CUX2: variants seen among roughly 807,000 people sequenced by gnomAD.
CUX2 encodes cut like homeobox 2, also known as homeobox protein cut-like 2.
In CUX2, 40 loss-of-function variants were observed where a neutral mutation model predicts 144.8. The ratio of observed to expected loss-of-function variants is 0.28; its 90% CI spans 0.21 to 0.36. The LOEUF is 0.36. Ranked by LOEUF, CUX2 falls within the 10% of genes least tolerant of loss-of-function variation. CUX2 has a pLI of 1.00. For missense variants in CUX2, 1,615 were observed against 1,994.0 expected, an observed-to-expected ratio of 0.81 and a Z score of 3.62; for synonymous variants, 827 against 875.6, an observed-to-expected ratio of 0.94 and a Z score of 0.98.
At position 111,034,771 on chromosome 12, in the gene CUX2, G is replaced by A. The variant is rs1467692274; in HGVS notation, c.63+531G>A. ...AGAGGAGGAGGGAGCCGGGGTTGGC[G>A]AGGAGGCGGCTCCGCGCCCCGCCGC... is the stretch of plus-strand genomic sequence containing the variant. On this transcript the variant is annotated intron_variant, in intron 1 of 21. Coordinates refer to ENST00000261726, the MANE Select transcript of CUX2 (RefSeq NM_015267.4). This position sits in a 1 kb window ranked among gnomAD's most constrained non-coding sequence, Gnocchi z 4.2. Among the ~76,000 whole-genome samples, 3 of 149,788 alleles carry A rather than the reference G, an allele frequency of 2.0e-5. No individual in the cohort carries two copies. The highest frequency in any genetic ancestry group is 4.5e-5 in the Non-Finnish European group (3 of 66,686).
chr12:111,334,476 C>A lies in CUX2; in HGVS notation c.2962C>A (p.Pro988Thr). Residue 988 changes from proline to threonine, a missense_variant, in exon 19 of 22, where the codon CCC (proline) becomes ACC (threonine). Pro to Thr is a conservative substitution (Grantham distance 38, BLOSUM62 -1). Transcript: ENST00000261726. ...AGAACCAAGGTCCTCACCATCCCCA[C>A]CCCCCAGCCCCACAGAGCCTGAGAA... ...PTEPRSSPSP[P>T]PSPTEPEKSS... 1 of 1,603,796 alleles carries A rather than the reference C, an allele frequency of 6.2e-7. No homozygotes were observed. The highest frequency in any genetic ancestry group is 8.5e-7 in the Non-Finnish European group (1 of 1,174,860).
At chr12:111,087,028 A>C (rs1251698145) in intron 1 of CUX2, among the ~76,000 whole-genome samples, 1 of 152,176 alleles carries the variant, frequency 6.6e-6, no homozygotes, top group Non-Finnish European at 1.5e-5. Flanking sequence ...AGGAATGGAC[A>C]TAGTAAGTTA....
chr12:111,203,846 C>T (rs1880760320), intron 1 of CUX2, among the ~76,000 whole-genome samples: 1 of 152,106 alleles, frequency 6.6e-6, no homozygotes, highest in African/African-American at 2.4e-5. Flanking sequence ...GTGGCCTGGC[C>T]CAGGTGGCAA....
rs1487758562 is a variant in CUX2, at chr12:111,348,624, G to GA, written c.*304dup. On this transcript the variant is annotated 3_prime_UTR_variant, in exon 22 of 22. Transcript: ENST00000261726. Reference sequence around the variant, plus strand: ...CACCTGAAAACTCCAAACTCTTTTAGAAAAATAAATAAATATTTATAGACC... The same window carrying GA: ...CACCTGAAAACTCCAAACTCTTTTAGAAAAAATAAATAAATATTTATAGACC... The GA allele has an allele frequency of 3.3e-6, 1 of 300,794 alleles. No individual in the cohort carries two copies. Among genetic ancestry groups the GA allele is most frequent in the Non-Finnish European group, 6.1e-6 (1 of 163,560 alleles). 18.6% of individuals were successfully genotyped at this position (300,794 alleles called of 1,614,324 possible).
In CUX2 at chr12:111,310,160, G is replaced by A. The variant is rs1335073130; in HGVS notation, c.1378G>A (p.Gly460Arg). The A allele has an allele frequency of 9.7e-6, 15 of 1,551,100 alleles. No homozygotes were observed. The highest frequency in any genetic ancestry group is 4.9e-5 in the South Asian group (4 of 81,720). Reference sequence around the variant, plus strand: ...AGAAGACCCCCTGTCTCCCAGCCCCGGGCAGCCCCTGCTGGGCCCCAGCTT... The same window carrying A: ...AGAAGACCCCCTGTCTCCCAGCCCCAGGCAGCCCCTGCTGGGCCCCAGCTT... ...GPEDPLSPSP[G>R]QPLLGPSLGP... The change falls in exon 15 of 22, where the codon GGG becomes AGG. Residue 460 changes from glycine to arginine, a missense_variant. Gly to Arg is a moderately radical substitution (Grantham distance 125, BLOSUM62 -2). This residue lies in a region of CUX2 where 154 missense variants were observed against 148.4 expected (regional missense o/e 1.04). Transcript: ENST00000261726. The surrounding 1 kb of genome is among the most constrained non-coding windows in gnomAD (Gnocchi z 7.9).
At chr12:111,294,594 A>C (rs1300124065) in intron 6 of CUX2, among the ~76,000 whole-genome samples, 4 of 151,498 alleles carry the variant, frequency 2.6e-5, no homozygotes, top group Admixed American at 1.3e-4. Context: ...TCAAAAAAAA[A>C]AAAAAAAAAG....
chr12:111,237,846 G>A (rs953935595), intron 3 of CUX2, among the ~76,000 whole-genome samples: 23 of 152,090 alleles, frequency 1.5e-4, no homozygotes, highest in Admixed American at 3.3e-4. Flanking sequence ...CCCTGCCCCC[G>A]TTTCTCCCCC....
At position 111,037,622 on chromosome 12, in the gene CUX2, A is replaced by G. The variant is rs751890463; in HGVS notation, c.63+3382A>G. On this transcript the variant is annotated intron_variant, in intron 1 of 21. Coordinates refer to ENST00000261726, the MANE Select transcript of CUX2 (RefSeq NM_015267.4). The surrounding 1 kb of genome is among the most constrained non-coding windows in gnomAD (Gnocchi z 5.4). ...AGCAGCTCAGGAAACGAGAAGAAAT[A>G]AAATTCCATCCAAAGATAATGCTAG... is the stretch of plus-strand genomic sequence containing the variant. 8.5e-5 allele frequency among the ~76,000 whole-genome samples: 13 copies of G among 152,374 alleles called. No homozygotes were observed. The highest frequency in any genetic ancestry group is 6.8e-3 in the Middle Eastern group (2 of 294).
chr12:111,062,292 A>G (rs1870814933), intron 1 of CUX2, among the ~76,000 whole-genome samples: 1 of 152,208 alleles, frequency 6.6e-6, no homozygotes, highest in African/African-American at 2.4e-5. Flanking sequence ...CACCAAAGGG[A>G]GTGCACAGGG....
At chr12:111,261,045 G>A (rs893714091) in intron 3 of CUX2, among the ~76,000 whole-genome samples, 3 of 152,164 alleles carry the variant, frequency 2.0e-5, no homozygotes, top group Non-Finnish European at 1.5e-5. Flanking sequence ...GTAAGGCAGC[G>A]GCATCCTCAT....
intron 5 of CUX2, among the ~76,000 whole-genome samples, chr12:111,291,871 C>T (rs1393737220): frequency 1.3e-5 from 2 of 152,094 alleles, no homozygotes; most frequent in African/African-American, 2.4e-5. Flanking sequence ...CCTCCATGGC[C>T]AGCCCCAAAG....
chr12:111,260,954 T>C (rs925462172), intron 3 of CUX2, among the ~76,000 whole-genome samples: 2 of 152,194 alleles, frequency 1.3e-5, no homozygotes, highest in Admixed American at 6.5e-5. Context: ...ATGAGATGAA[T>C]TGCTTTTGTT....
chr12:111,049,608 C>A (rs1870167805), intron 1 of CUX2, among the ~76,000 whole-genome samples: 5 of 152,196 alleles, frequency 3.3e-5, no homozygotes, highest in Admixed American at 3.3e-4. Flanking sequence ...GGGTTCTAGA[C>A]TTGAGACGTG....
At chr12:111,196,086 C>T (rs961248538) in intron 1 of CUX2, among the ~76,000 whole-genome samples, 12 of 152,268 alleles carry the variant, frequency 7.9e-5, no homozygotes, top group African/African-American at 2.9e-4. Context: ...CTTTTCTGGT[C>T]GTTTCGTACA....
intron 1 of CUX2, among the ~76,000 whole-genome samples, chr12:111,192,222 G>A (rs777722557): frequency 6.6e-6 from 1 of 151,976 alleles, no homozygotes; most frequent in Non-Finnish European, 1.5e-5. Flanking sequence ...TGCCTTCTGG[G>A]TTCAAGTGAT....
chr12:111,041,198 C>T (rs565528693), intron 1 of CUX2, among the ~76,000 whole-genome samples: 1 of 152,324 alleles, frequency 6.6e-6, no homozygotes, highest in South Asian at 2.1e-4. Context: ...TAATAATAGT[C>T]TCCGCCTTCT....
At chr12:111,052,408 A>G (rs925870449) in intron 1 of CUX2, among the ~76,000 whole-genome samples, 1 of 150,580 alleles carries the variant, frequency 6.6e-6, no homozygotes, top group Non-Finnish European at 1.5e-5. Context: ...GGCAGAGCAC[A>G]TAGTAGGCCC....
At chr12:111,195,500 A>G (rs998646371) in intron 1 of CUX2, among the ~76,000 whole-genome samples, 2 of 152,268 alleles carry the variant, frequency 1.3e-5, no homozygotes, top group African/African-American at 4.8e-5. Context: ...TCAAGGGTAC[A>G]GAATGAAATT....
intron 1 of CUX2, among the ~76,000 whole-genome samples, chr12:111,048,444 G>A (rs981616639): frequency 6.6e-6 from 1 of 152,232 alleles, no homozygotes; most frequent in Admixed American, 6.5e-5. Flanking sequence ...CCCCAGCAAG[G>A]TGGGAGCTGT....
Sources: allele counts gnomAD v4.1 joint callset (sites outside exome capture counted in the v4.1 genomes callset), GRCh38; gene constraint gnomAD v4.1.1; regional missense constraint gnomAD v4.1.1; non-coding constraint Gnocchi (gnomAD v3.1); transcripts MANE v1.5; gene names NCBI Gene and HGNC (gene_info 2026-07-23, HGNC 2026-07-21).